TENM2: variants seen among roughly 807,000 people sequenced by gnomAD.
TENM2 encodes the protein teneurin transmembrane protein 2.
TENM2 carries 52 observed loss-of-function variants against 245.2 expected under a neutral mutation model. The observed-to-expected ratio is 0.21, with a 90% CI of 0.17 to 0.27. The LOEUF (loss-of-function observed/expected upper bound fraction) is 0.27. TENM2 is among the 10% of genes least tolerant of loss of function. TENM2 has a pLI of 1.00. For missense variants in TENM2, 3,046 were observed against 3,666.8 expected, an observed-to-expected ratio of 0.83 and a Z score of 4.37; for synonymous variants, 1,363 against 1,438.9, an observed-to-expected ratio of 0.95 and a Z score of 1.19.
At chr5:168,108,782 C>T (rs374698649) in intron 9 of TENM2, among the ~76,000 whole-genome samples, 113 of 152,244 alleles carry the variant, frequency 7.4e-4, no homozygotes, top group African/African-American at 2.7e-3. Flanking sequence ...GCAGCTGGGG[C>T]TCTCTGAGCC....
At chr5:167,056,513 ATT>A in the TENM2 span, among the ~76,000 whole-genome samples, 4 of 145,960 alleles carry the variant, frequency 2.7e-5, no homozygotes, top group African/African-American at 7.4e-5. Flanking sequence ...ATATATATGT[ATT>A]TTATGTATAT....
intron 9 of TENM2, among the ~76,000 whole-genome samples, chr5:168,108,609 G>A (rs1205974267): frequency 2.0e-5 from 3 of 152,152 alleles, no homozygotes; most frequent in Non-Finnish European, 4.4e-5. Context: ...CAAAGACTTA[G>A]AGAAAGTAAG....
chr5:167,438,453 G>A (rs192000511), intron 2 of TENM2, among the ~76,000 whole-genome samples: 92 of 152,194 alleles, frequency 6.0e-4, no homozygotes, highest in Non-Finnish European at 1.1e-3. Flanking sequence ...GTGCAGTGGC[G>A]CCATCTCGGC....
intron 2 of TENM2, among the ~76,000 whole-genome samples, chr5:167,726,044 G>A (rs1464640536): frequency 6.6e-6 from 1 of 152,168 alleles, no homozygotes; most frequent in African/African-American, 2.4e-5. Context: ...AGGACTGGCT[G>A]CCTAGCCATC....
the TENM2 span, among the ~76,000 whole-genome samples, chr5:167,123,068 C>T: frequency 6.6e-6 from 1 of 151,016 alleles, no homozygotes; most frequent in Admixed American, 6.6e-5. Context: ...GAGGCCAAGG[C>T]GAGTGGATCA....
intron 2 of TENM2, among the ~76,000 whole-genome samples, chr5:167,725,725 C>G (rs1015200727): frequency 6.6e-6 from 1 of 152,070 alleles, no homozygotes; most frequent in Non-Finnish European, 1.5e-5. Context: ...GCTTTTATCC[C>G]TTATTTACTT....
the TENM2 span, among the ~76,000 whole-genome samples, chr5:167,098,045 C>T: frequency 2.0e-5 from 3 of 152,084 alleles, no homozygotes; most frequent in African/African-American, 4.8e-5. Context: ...TTCTTTCAGT[C>T]GTGCATTTCT....
chr5:167,339,081 C>T (rs1757946393), intron 1 of TENM2, among the ~76,000 whole-genome samples: 1 of 152,182 alleles, frequency 6.6e-6, no homozygotes, highest in Non-Finnish European at 1.5e-5. Context: ...ATAAAAAATA[C>T]ATTCATTGTA....
intron 2 of TENM2, among the ~76,000 whole-genome samples, chr5:167,545,093 T>C: frequency 6.6e-6 from 1 of 152,182 alleles, no homozygotes; most frequent in South Asian, 2.1e-4. Context: ...TGTTATGCTA[T>C]GTAAAGAGCG....
intron 2 of TENM2, among the ~76,000 whole-genome samples, chr5:167,551,736 T>G (rs996358053): frequency 2.0e-5 from 3 of 152,226 alleles, no homozygotes; most frequent in African/African-American, 7.2e-5. Flanking sequence ...TTTGTGTAAG[T>G]TGGACAAACT....
At chr5:167,931,465 A>C (rs1263419372) in intron 3 of TENM2, among the ~76,000 whole-genome samples, 1 of 151,496 alleles carries the variant, frequency 6.6e-6, no homozygotes, top group Non-Finnish European at 1.5e-5. Flanking sequence ...TAGTCGTAGA[A>C]TATTGGGATA....
chr5:167,627,791 C>A (rs1242529649), intron 2 of TENM2, among the ~76,000 whole-genome samples: 1 of 151,940 alleles, frequency 6.6e-6, no homozygotes, highest in African/African-American at 2.4e-5. Flanking sequence ...TCCTGGCCTC[C>A]AGTCATCCAC....
chr5:167,535,431 C>T (rs1771785781), intron 2 of TENM2, among the ~76,000 whole-genome samples: 1 of 152,016 alleles, frequency 6.6e-6, no homozygotes, highest in South Asian at 2.1e-4. Flanking sequence ...AAAACAGTGG[C>T]AAGGAGAAGA....
chr5:166,997,946 T>G, the TENM2 span, among the ~76,000 whole-genome samples: 2 of 152,072 alleles, frequency 1.3e-5, no homozygotes, highest in Admixed American at 1.3e-4. Context: ...ACTTTGAAAC[T>G]AGAGGGAGTT....
At chr5:166,986,095 G>A in the TENM2 span, among the ~76,000 whole-genome samples, 1 of 152,168 alleles carries the variant, frequency 6.6e-6, no homozygotes, top group Non-Finnish European at 1.5e-5. Flanking sequence ...GGTGGGGTGA[G>A]ATGAGATAAG....
intron 2 of TENM2, among the ~76,000 whole-genome samples, chr5:167,873,732 C>G (rs1341048192): frequency 6.6e-6 from 1 of 152,128 alleles, no homozygotes; most frequent in African/African-American, 2.4e-5. Flanking sequence ...ATTGATTAAA[C>G]ATTAGCACTG....
chr5:168,120,332 C>T (rs1266450500), intron 10 of TENM2, among the ~76,000 whole-genome samples: 1 of 152,154 alleles, frequency 6.6e-6, no homozygotes, highest in Non-Finnish European at 1.5e-5. Flanking sequence ...TTTAATAACC[C>T]TGCTTGAAAG....
chr5:167,322,875 C>G (rs921072877), intron 1 of TENM2, among the ~76,000 whole-genome samples: 6 of 152,168 alleles, frequency 3.9e-5, no homozygotes, highest in African/African-American at 1.4e-4. Context: ...TTGATTTGGG[C>G]CAGAAGGCCA....
At chr5:167,988,571 A>T (rs1783420938) in intron 4 of TENM2, among the ~76,000 whole-genome samples, 2 of 152,208 alleles carry the variant, frequency 1.3e-5, no homozygotes, top group Non-Finnish European at 2.9e-5. Flanking sequence ...TCCAGGCAGA[A>T]GGAACAGTAA....
Sources: gnomAD v4.1 joint callset for allele counts (sites outside exome capture counted in the v4.1 genomes callset) on GRCh38, gnomAD v4.1.1 for gene constraint, MANE v1.5 for transcripts, NCBI Gene and HGNC (gene_info 2026-07-23, HGNC 2026-07-21) for gene names.